CDK14: variants seen among roughly 807,000 people sequenced by gnomAD.
CDK14 encodes the protein cyclin dependent kinase 14, also known as cyclin-dependent kinase 14.
Under a neutral mutation model 60.7 loss-of-function variants are expected in CDK14, and 34 were observed. That is an observed-to-expected ratio of 0.56 (90% CI 0.43 to 0.75). CDK14 has a LOEUF of 0.75. CDK14 is among the 30% of genes least tolerant of loss of function. The probability of loss-of-function intolerance (pLI) is 0.00; values close to 1 mark genes in which losing one functional copy is unlikely to be tolerated. For missense variants in CDK14, 482 were observed against 564.1 expected, an observed-to-expected ratio of 0.85 and a Z score of 1.47; for synonymous variants, 197 against 203.7, an observed-to-expected ratio of 0.97 and a Z score of 0.28.
chr7:90,908,642 G>C (rs1792791185), intron 7 of CDK14, among the ~76,000 whole-genome samples: 1 of 152,098 alleles, frequency 6.6e-6, no homozygotes, highest in Non-Finnish European at 1.5e-5. Context: ...AGACCCCAGA[G>C]GGAAATAAGT....
intron 7 of CDK14, among the ~76,000 whole-genome samples, chr7:90,906,687 G>T (rs1315550456): frequency 6.6e-6 from 1 of 151,970 alleles, no homozygotes; most frequent in African/African-American, 2.4e-5. Flanking sequence ...AAGAATTGTG[G>T]AGATTGTTCC....
intron 2 of CDK14, chr7:90,692,783 G>A (rs1801580375): frequency 4.9e-6 from 2 of 408,964 alleles, no homozygotes; most frequent in Non-Finnish European, 6.6e-6. Context: ...GGGCTATTGT[G>A]GTTGGGTGTG....
At chr7:90,664,096 G>A (rs1351565947) in intron 2 of CDK14, among the ~76,000 whole-genome samples, 1 of 151,576 alleles carries the variant, frequency 6.6e-6, no homozygotes, top group Non-Finnish European at 1.5e-5. Flanking sequence ...AAATTTACAG[G>A]AAAAAAACAA....
chr7:90,722,172 C>T (rs1326488446), intron 2 of CDK14, among the ~76,000 whole-genome samples: 2 of 151,404 alleles, frequency 1.3e-5, no homozygotes, highest in Non-Finnish European at 2.9e-5. Context: ...TTTCTCTTTC[C>T]CTTCCCCCAC....
At chr7:90,732,494 A>G (rs1051483463) in intron 3 of CDK14, among the ~76,000 whole-genome samples, 2 of 152,132 alleles carry the variant, frequency 1.3e-5, no homozygotes, top group African/African-American at 2.4e-5. Context: ...TTGGTAGGCT[A>G]TTAATTACTG....
chr7:91,102,575 G>A (rs757338800), intron 12 of CDK14, among the ~76,000 whole-genome samples: 2 of 151,780 alleles, frequency 1.3e-5, no homozygotes, highest in Admixed American at 1.3e-4. Context: ...ATACAAGCAG[G>A]TGTATCATCA....
At chr7:91,199,164 T>C (rs1802640922) in intron 14 of CDK14, among the ~76,000 whole-genome samples, 1 of 152,166 alleles carries the variant, frequency 6.6e-6, no homozygotes, top group Admixed American at 6.5e-5. Flanking sequence ...TCAAATAACA[T>C]GAAATCTTTG....
chr7:91,201,012 T>G (rs374581499), intron 14 of CDK14, among the ~76,000 whole-genome samples: 1 of 152,206 alleles, frequency 6.6e-6, no homozygotes, highest in East Asian at 1.9e-4. Context: ...CCTAATTTTT[T>G]CATTATTACC....
rs185968000 is a variant in CDK14 at position 90,662,675 on chromosome 7, G to T, written c.123+58426G>T. On this transcript the variant is annotated intron_variant, in intron 2 of 14. Coordinates refer to ENST00000380050, the MANE Select transcript of CDK14 (RefSeq NM_001287135.2). The stretch of plus-strand genomic sequence containing the variant: ...TGTAAAGTACTTGTAACAGTGCTTG[G>T]CACAGGGAAGGTGCTATGCACCATG... 7.4e-4 allele frequency among the ~76,000 whole-genome samples: 112 copies of T among 152,348 alleles called. 1 individual carries two copies. Among genetic ancestry groups the T allele is most frequent in the Non-Finnish European group, 2.9e-5 (2 of 68,032 alleles).
intron 2 of CDK14, among the ~76,000 whole-genome samples, chr7:90,704,810 A>G (rs1484194841): frequency 6.6e-6 from 1 of 152,108 alleles, no homozygotes; most frequent in East Asian, 1.9e-4. Flanking sequence ...CCAGAATTTC[A>G]CGGTGTTTTG....
rs757894840 is a variant in CDK14 at position 91,118,176 on chromosome 7, A to G, written c.1406A>G (p.His469Arg). 1.6e-5 allele frequency: 25 copies of G among 1,598,834 alleles called. No individual in the cohort carries two copies. The highest frequency in any genetic ancestry group is 1.7e-6 in the Non-Finnish European group (2 of 1,166,616). ...SYGKSLSNSK[H>R] ...GGCAAAAGTCTATCAAACAGCAAGC[A>G]CTGACAAGCAGCACATTCTCAAGAG... Residue 469 changes from histidine (H) to arginine (R), a missense_variant, in exon 14 of 15, where the codon CAC (histidine) becomes CGC (arginine). Coordinates refer to ENST00000380050, the MANE Select transcript of CDK14 (RefSeq NM_001287135.2).
At chr7:91,179,535 A>G (rs1457251246) in intron 14 of CDK14, among the ~76,000 whole-genome samples, 1 of 151,246 alleles carries the variant, frequency 6.6e-6, no homozygotes, top group East Asian at 1.9e-4. Flanking sequence ...CGGCGCAGTG[A>G]CTCACGCCTG....
Position 91,147,202 on chromosome 7 carries a change from ACAC to A in CDK14, c.*28+28995_*28+28997del, listed in dbSNP as rs1220685062. On this transcript the variant is annotated intron_variant, in intron 14 of 14. Coordinates refer to ENST00000380050, the MANE Select transcript of CDK14 (RefSeq NM_001287135.2). ...CACACACACACACACACACACACAC[ACAC>A]ACTTCTTCCCATGGTTTTAGGTATT... 2.0e-5 allele frequency among the ~76,000 whole-genome samples: 3 copies of A among 146,740 alleles called. No homozygotes were observed. In the Admixed American group the frequency reaches 2.1e-4, roughly 10 times the overall value.
chr7:90,858,103 A>G (rs1218890897), intron 5 of CDK14, among the ~76,000 whole-genome samples: 1 of 152,204 alleles, frequency 6.6e-6, no homozygotes, highest in African/African-American at 2.4e-5. Context: ...ATCTGTCATA[A>G]TTATTGAGAT....
chr7:91,020,949 A>G (rs1379184039), intron 10 of CDK14, among the ~76,000 whole-genome samples: 9 of 152,098 alleles, frequency 5.9e-5, no homozygotes, highest in Admixed American at 5.2e-4. Context: ...TGACCATAGA[A>G]CTGATGTCCC....
chr7:90,945,548 A>G (rs1426376302), intron 8 of CDK14, among the ~76,000 whole-genome samples: 1 of 152,200 alleles, frequency 6.6e-6, no homozygotes, highest in Non-Finnish European at 1.5e-5. Context: ...CCTTCTAAGG[A>G]ATAACTTAGG....
At chr7:91,161,871 A>T (rs1295794839) in intron 14 of CDK14, among the ~76,000 whole-genome samples, 1 of 152,214 alleles carries the variant, frequency 6.6e-6, no homozygotes, top group Non-Finnish European at 1.5e-5. Context: ...ACTTCCCCTC[A>T]TTTGTGAATC....
Position 91,193,491 on chromosome 7 carries a change from G to A in CDK14, c.*29-13674G>A, listed in dbSNP as rs1221853885. 3.3e-5 allele frequency among the ~76,000 whole-genome samples: 5 copies of A among 152,050 alleles called. No homozygotes were observed. In the East Asian group the frequency reaches 9.7e-4, roughly 29 times the overall value. On this transcript the variant is annotated intron_variant, in intron 14 of 14. Transcript: ENST00000380050. ...GAGGGTTTGGTGAGAGTAGGAAAGG[G>A]GCAACATTAAAGACATTTTTACTGT... is the stretch of plus-strand genomic sequence containing the variant.
At chr7:90,642,677 G>T (rs1800366850) in intron 2 of CDK14, among the ~76,000 whole-genome samples, 1 of 152,182 alleles carries the variant, frequency 6.6e-6, no homozygotes, top group Non-Finnish European at 1.5e-5. Context: ...ACTGTGCCTA[G>T]CATGAATTGG....
Sources: allele counts gnomAD v4.1 joint callset (sites outside exome capture counted in the v4.1 genomes callset), GRCh38; gene constraint gnomAD v4.1.1; transcripts MANE v1.5; gene names NCBI Gene and HGNC (gene_info 2026-07-23, HGNC 2026-07-21).